Variants in TBC1D22A observed in about 807,000 individuals in gnomAD.
TBC1D22A encodes TBC1 domain family member 22A.
In TBC1D22A, 38 loss-of-function variants were observed where a neutral mutation model predicts 60.2. That is an observed-to-expected ratio of 0.63 (90% confidence interval 0.49 to 0.83). The LOEUF is 0.83. TBC1D22A is among the 40% of genes least tolerant of loss of function. The probability of loss-of-function intolerance (pLI) is 0.00; values close to 1 mark genes in which losing one functional copy is unlikely to be tolerated. For missense variants in TBC1D22A, 628 were observed against 701.0 expected (o/e 0.90, Z 1.18); for synonymous variants, 302 against 281.7 (o/e 1.07, Z -0.72).
At chr22:46,916,517 C>T (rs961014327) in intron 8 of TBC1D22A, among the ~76,000 whole-genome samples, 2 of 152,240 alleles carry the variant, frequency 1.3e-5, no homozygotes, top group Admixed American at 6.5e-5. Flanking sequence ...CTTGCACACA[C>T]ACATGCTGTG....
intron 10 of TBC1D22A, among the ~76,000 whole-genome samples, chr22:47,027,139 C>A (rs1440554758): frequency 6.6e-6 from 1 of 152,032 alleles, no homozygotes; most frequent in East Asian, 1.9e-4. Flanking sequence ...CAAAAAGGTA[C>A]AAAAGAAATT....
intron 5 of TBC1D22A, among the ~76,000 whole-genome samples, chr22:46,883,378 T>C (rs1458651041): frequency 6.6e-6 from 1 of 152,254 alleles, no homozygotes; most frequent in Non-Finnish European, 1.5e-5. Context: ...AGTTCTGTCA[T>C]TTAAAATTCA....
chr22:47,029,897 G>T (rs1227521704), intron 10 of TBC1D22A, among the ~76,000 whole-genome samples: 4 of 152,226 alleles, frequency 2.6e-5, no homozygotes, highest in African/African-American at 9.6e-5. Flanking sequence ...CGGGGCTGCT[G>T]CTCGTCCTGG....
At chr22:46,764,893 G>T (rs1262891300) in intron 1 of TBC1D22A, among the ~76,000 whole-genome samples, 1 of 152,206 alleles carries the variant, frequency 6.6e-6, no homozygotes, top group African/African-American at 2.4e-5. Context: ...ACTTGATTTT[G>T]GGTTTTTGGC....
rs375588486 is a variant in TBC1D22A, at chr22:46,793,827, C to T, written c.446C>T (p.Thr149Met). 3.0e-5 allele frequency: 47 copies of T among 1,582,702 alleles called. No homozygotes were observed. The highest frequency in any genetic ancestry group is 3.3e-4 in the Middle Eastern group (2 of 6,018). Residue 149 changes from threonine (T) to methionine (M), a missense_variant, in exon 3 of 13, where the codon ACG becomes ATG. Transcript: ENST00000337137. Reference protein sequence around the residue: ...RLVKSVSESHTSCPAESASDA... With the variant: ...RLVKSVSESHMSCPAESASDA... Reference sequence around the variant, plus strand: ...GTGAAGTCGGTCAGTGAGAGCCACACGTCCTGTCCTGCAGGTACGATGGGA... The same window carrying T: ...GTGAAGTCGGTCAGTGAGAGCCACATGTCCTGTCCTGCAGGTACGATGGGA...
chr22:47,165,507 C>T (rs879530315), intron 12 of TBC1D22A, among the ~76,000 whole-genome samples: 2 of 152,000 alleles, frequency 1.3e-5, no homozygotes, highest in Non-Finnish European at 2.9e-5. Flanking sequence ...CCAGGTCTAG[C>T]CTGCTGGGCT....
At chr22:47,018,335 G>A (rs949829052) in intron 10 of TBC1D22A, among the ~76,000 whole-genome samples, 3 of 152,246 alleles carry the variant, frequency 2.0e-5, no homozygotes, top group African/African-American at 4.8e-5. Context: ...AGCCCATCAC[G>A]TCTCATTCTA....
Position 47,094,028 on chromosome 22 carries a change from A to G in TBC1D22A, c.1330-17480A>G, listed in dbSNP as rs1978765847. ...GACGAAAAGTAATGATGTATGGGAA[A>G]ACAGGGAGGGGTAAGGAAGCAGTCA... On this transcript the variant is annotated intron_variant, in intron 11 of 12. Transcript: ENST00000337137. Among the ~76,000 whole-genome samples the G allele has an allele frequency of 2.6e-5, 4 of 152,204 alleles. No individual in the cohort carries two copies. In the South Asian group the frequency reaches 8.3e-4, roughly 32 times the overall value.
intron 10 of TBC1D22A, among the ~76,000 whole-genome samples, chr22:47,002,880 C>T (rs1290868841): frequency 6.6e-6 from 1 of 152,180 alleles, no homozygotes; most frequent in Non-Finnish European, 1.5e-5. Flanking sequence ...CTGATCTGAA[C>T]TTAGCTTGCA....
intron 12 of TBC1D22A, among the ~76,000 whole-genome samples, chr22:47,135,887 G>T (rs1446474227): frequency 6.6e-6 from 1 of 152,138 alleles, no homozygotes; most frequent in Non-Finnish European, 1.5e-5. Context: ...GTGTTCATTC[G>T]CCCAGCGCTT....
intron 11 of TBC1D22A, among the ~76,000 whole-genome samples, chr22:47,048,089 GC>G (rs1376736317): frequency 6.6e-6 from 1 of 152,188 alleles, no homozygotes; most frequent in African/African-American, 2.4e-5. Flanking sequence ...TCTGCCCCGG[GC>G]TGCCCCAGCT....
At chr22:47,040,106 G>A (rs1412094955) in intron 11 of TBC1D22A, among the ~76,000 whole-genome samples, 4 of 151,920 alleles carry the variant, frequency 2.6e-5, no homozygotes, top group South Asian at 4.2e-4. Flanking sequence ...CACCACGCCC[G>A]GCTAATTTTT....
chr22:46,778,898 GC>G (rs2083818250), intron 1 of TBC1D22A, among the ~76,000 whole-genome samples: 1 of 152,136 alleles, frequency 6.6e-6, no homozygotes, highest in African/African-American at 2.4e-5. Flanking sequence ...ACAAAAATTA[GC>G]CGGGCGTGGT....
intron 12 of TBC1D22A, among the ~76,000 whole-genome samples, chr22:47,131,276 G>A (rs941042815): frequency 2.0e-5 from 3 of 152,234 alleles, no homozygotes; most frequent in African/African-American, 7.2e-5. Flanking sequence ...AGTGCCACAT[G>A]TAAGACCTTG....
intron 12 of TBC1D22A, chr22:47,117,311 G>C: frequency 6.1e-6 from 1 of 164,530 alleles, no homozygotes; most frequent in Non-Finnish European, 1.3e-5. Context: ...CCACACCGTG[G>C]CATCGAGCAG....
rs1272870677 is a variant in TBC1D22A at position 46,942,024 on chromosome 22, T to TA, written c.1015+29837dup. Among the ~76,000 whole-genome samples the TA allele has an allele frequency of 1.5e-3, 201 of 134,572 alleles. 1 individual carries two copies. Among genetic ancestry groups the TA allele is most frequent in the Non-Finnish European group, 4.6e-4 (29 of 62,908 alleles). The allele number at this position is 134,572 out of a possible 152,430, so 88.3% of individuals were successfully genotyped here. A position where few individuals can be genotyped will look rare whatever the true frequency, so the allele number is the denominator to read the frequency against. ...ACCAGCATACATATATATATATATA[T>TA]ATTATATATATATATACACACAGTC... On this transcript the variant is annotated intron_variant, in intron 8 of 12. Coordinates refer to ENST00000337137, the MANE Select transcript of TBC1D22A (RefSeq NM_014346.5).
chr22:47,084,151 A>G (rs185657002), intron 11 of TBC1D22A, among the ~76,000 whole-genome samples: 4 of 152,354 alleles, frequency 2.6e-5, no homozygotes, highest in African/African-American at 9.6e-5. Context: ...TATGGTGGCC[A>G]TTAGCCACAT....
At chr22:47,112,123 C>T (rs1263320201) in intron 12 of TBC1D22A, among the ~76,000 whole-genome samples, 1 of 152,246 alleles carries the variant, frequency 6.6e-6, no homozygotes, top group Non-Finnish European at 1.5e-5. Context: ...CAGAGGCACG[C>T]CCTGCTAGGC....
At chr22:46,915,720 T>C (rs758247551) in intron 8 of TBC1D22A, 23 of 456,594 alleles carry the variant, frequency 5.0e-5, no homozygotes, top group Non-Finnish European at 9.7e-5. Flanking sequence ...GAGTGGGAGC[T>C]GGGCTCTTTC....
Sources: allele counts gnomAD v4.1 joint callset (sites outside exome capture counted in the v4.1 genomes callset), GRCh38; gene constraint gnomAD v4.1.1; transcripts MANE v1.5; gene names NCBI Gene and HGNC (gene_info 2026-07-23, HGNC 2026-07-21).